SLC7A2: variants seen among roughly 807,000 people sequenced by gnomAD.
SLC7A2 encodes the protein cationic amino acid transporter 2.
Under a neutral mutation model 58.9 loss-of-function variants are expected in SLC7A2, and 48 were observed. That is an observed-to-expected ratio of 0.82 (90% confidence interval 0.65 to 1.04). SLC7A2 has a LOEUF of 1.04. Among genes scored for constraint, SLC7A2 ranks in the 50% least tolerant of loss-of-function variants. SLC7A2 has a pLI of 0.00. For missense variants in SLC7A2, 1,029 were observed against 818.8 expected, an observed-to-expected ratio of 1.26 and a Z score of -3.13; for synonymous variants, 363 against 314.5, an observed-to-expected ratio of 1.15 and a Z score of -1.63.
intron 2 of SLC7A2, among the ~76,000 whole-genome samples, chr8:17,514,551 T>C (rs976288715): frequency 1.3e-5 from 2 of 152,190 alleles, no homozygotes; most frequent in African/African-American, 4.8e-5. Context: ...CTAGAATAAC[T>C]TAAAAATGTA....
rs909914567 is a variant in SLC7A2 at position 17,567,704 on chromosome 8, T to C, written c.*2558T>C. 3 of 152,452 alleles carry C rather than the reference T, an allele frequency of 2.0e-5. No individual in the cohort carries two copies. The highest frequency in any genetic ancestry group is 4.4e-5 in the Non-Finnish European group (3 of 68,054). The allele number at this position is 152,452 out of a possible 1,614,324, so 9.4% of individuals were successfully genotyped here. On this transcript the variant is annotated 3_prime_UTR_variant, in exon 13 of 13. Transcript: ENST00000494857. ...AATTGATGTTTGATGTTGATAGATA[T>C]GCTTATACCTAATTTTTAGTTTTTA... is the stretch of plus-strand genomic sequence containing the variant.
At chr8:17,524,860 G>A (rs900211052) in intron 2 of SLC7A2, among the ~76,000 whole-genome samples, 1 of 151,870 alleles carries the variant, frequency 6.6e-6, no homozygotes, top group East Asian at 1.9e-4. Context: ...GCAATCAGGA[G>A]CAAGTTCTTA....
upstream of SLC7A2, among the ~76,000 whole-genome samples, chr8:17,494,735 G>A (rs1364380559): frequency 6.6e-6 from 1 of 152,164 alleles, no homozygotes; most frequent in Non-Finnish European, 1.5e-5. Flanking sequence ...AATAACCAAA[G>A]TTATGAGGCA....
chr8:17,529,532 G>T lies in SLC7A2; in HGVS notation c.-22-13786G>T, dbSNP rs867310645. Among the ~76,000 whole-genome samples the T allele has an allele frequency of 1.8e-3, 257 of 139,466 alleles. 1 individual carries two copies. Among genetic ancestry groups the T allele is most frequent in the Admixed American group, 5.0e-3 (70 of 13,934 alleles). The allele number at this position is 139,466 out of a possible 152,430, so 91.5% of individuals were successfully genotyped here. ...TCTTTGTTTTTGGTTTTGTTTTTTT[G>T]TTTTTTTTTTTTTTGAGAGATAGAG... is the stretch of plus-strand genomic sequence containing the variant. On this transcript the variant is annotated intron_variant, in intron 2 of 12. Coordinates refer to ENST00000494857, the MANE Select transcript of SLC7A2 (RefSeq NM_001370338.1).
chr8:17,565,118 T>C lies in SLC7A2; in HGVS notation c.1949T>C (p.Ile650Thr), dbSNP rs1235382915. ...HHPRNLSSPF[I>T]FHEKTSEF ...CCAAGAAATCTCAGTTCACCTTTCA[T>C]ATTCCATGAAAAGACAAGTGAATTC... The change falls in exon 13 of 13, where the codon ATA becomes ACA. Residue 650 changes from isoleucine (I) to threonine (T), a missense_variant. Physicochemically the swap from Ile to Thr is moderately conservative, Grantham distance 89. Transcript: ENST00000494857. The C allele has an allele frequency of 8.1e-6, 13 of 1,613,188 alleles. No homozygotes were observed. The highest frequency in any genetic ancestry group is 1.3e-5 in the African/African-American group (1 of 74,874).
chr8:17,550,161 G>A (rs1802377491), intron 5 of SLC7A2, 140 bp from the exon 6 acceptor site: 3 of 757,640 alleles, frequency 4.0e-6, no homozygotes, highest in African/African-American at 3.5e-5. Context: ...GGGTGAGAGA[G>A]TAAAGTTTTA....
chr8:17,567,276 T>A lies in SLC7A2; in HGVS notation c.*2130T>A, dbSNP rs1803308562. The A allele has an allele frequency of 6.6e-6, 1 of 152,428 alleles. No homozygotes were observed. Among genetic ancestry groups the A allele is most frequent in the Non-Finnish European group, 1.5e-5 (1 of 68,040 alleles). The allele number at this position is 152,428 out of a possible 1,614,324, so 9.4% of individuals were successfully genotyped here. On this transcript the variant is annotated 3_prime_UTR_variant, in exon 13 of 13. Coordinates refer to ENST00000494857, the MANE Select transcript of SLC7A2 (RefSeq NM_001370338.1). ...TCTATACCCAATCAAGAATAGACCCTTCACACAGGAAATGTGAACAATTGT... is the reference window on the plus strand; with the variant it reads ...TCTATACCCAATCAAGAATAGACCCATCACACAGGAAATGTGAACAATTGT...
chr8:17,527,288 G>A (rs994089955), intron 2 of SLC7A2, among the ~76,000 whole-genome samples: 2 of 152,028 alleles, frequency 1.3e-5, no homozygotes, highest in Admixed American at 1.3e-4. Flanking sequence ...AGACATGAGG[G>A]TTTTAGCCGA....
chr8:17,534,694 GAA>G (rs34390459), intron 2 of SLC7A2, among the ~76,000 whole-genome samples: 32,856 of 128,408 alleles, frequency 0.26, 4,132 homozygotes, highest in Non-Finnish European at 0.32. Flanking sequence ...GTTTCAAATG[GAA>G]AAAAAAAAAA....
chr8:17,551,856 G>C lies in SLC7A2; in HGVS notation c.925G>C (p.Ala309Pro). 1 of 1,613,888 alleles carries C rather than the reference G, an allele frequency of 6.2e-7. No homozygotes were observed. Among genetic ancestry groups the C allele is most frequent in the Non-Finnish European group, 8.5e-7 (1 of 1,179,978 alleles). The change falls in exon 7 of 13, where the codon GCT (alanine) becomes CCT (proline). Residue 309 changes from alanine to proline, a missense_variant. By Grantham distance (27) the Ala-to-Pro change is conservative (BLOSUM62 -1). Transcript: ENST00000494857. ...TATGGCCTATTTTGGGGTCTCTGCA[G>C]CTTTAACACTTATGATGCCGTACTA... is the stretch of plus-strand genomic sequence containing the variant. Reference protein sequence around the residue: ...CFMAYFGVSAALTLMMPYYLL... With the variant: ...CFMAYFGVSAPLTLMMPYYLL...
chr8:17,566,193 T>A lies in SLC7A2; in HGVS notation c.*1047T>A, dbSNP rs1317097183. On this transcript the variant is annotated 3_prime_UTR_variant, in exon 13 of 13. Transcript: ENST00000494857. ...TTTTCCATTACTTACTTAATCACAG[T>A]TTAGTTTTTTTCTTAACCTCGTCAG... 1 of 152,178 alleles carries A rather than the reference T, an allele frequency of 6.6e-6. No individual in the cohort carries two copies. The highest frequency in any genetic ancestry group is 1.5e-5 in the Non-Finnish European group (1 of 68,026). 9.4% of individuals were successfully genotyped at this position (152,178 alleles called of 1,614,324 possible).
At chr8:17,520,141 A>C (rs185601980) in intron 2 of SLC7A2, among the ~76,000 whole-genome samples, 123 of 152,360 alleles carry the variant, frequency 8.1e-4, no homozygotes, top group Non-Finnish European at 1.2e-3. Context: ...AAAGCATCTT[A>C]AATCTTGAAA....
At chr8:17,514,105 C>A (rs1800708532) in intron 2 of SLC7A2, among the ~76,000 whole-genome samples, 1 of 152,090 alleles carries the variant, frequency 6.6e-6, no homozygotes, top group South Asian at 2.1e-4. Flanking sequence ...AGTAAAAACA[C>A]CTCGGCACAT....
intron 2 of SLC7A2, among the ~76,000 whole-genome samples, chr8:17,508,488 C>A (rs1032412038): frequency 6.6e-6 from 1 of 152,256 alleles, no homozygotes; most frequent in South Asian, 2.1e-4. Context: ...CTTTGGGAGG[C>A]CAAGGCAGGC....
intron 2 of SLC7A2, among the ~76,000 whole-genome samples, chr8:17,527,030 A>T (rs1801248415): frequency 6.6e-6 from 1 of 151,922 alleles, no homozygotes; most frequent in Non-Finnish European, 1.5e-5. Context: ...ATGCCATGGT[A>T]CTCTGCCCTT....
chr8:17,511,914 A>G (rs1480665503), intron 2 of SLC7A2, among the ~76,000 whole-genome samples: 1 of 152,180 alleles, frequency 6.6e-6, no homozygotes, highest in African/African-American at 2.4e-5. Context: ...CTATGGAACT[A>G]TGTTGTGATT....
At chr8:17,507,288 A>G (rs545376327) in intron 2 of SLC7A2, among the ~76,000 whole-genome samples, 8 of 152,248 alleles carry the variant, frequency 5.3e-5, no homozygotes, top group African/African-American at 1.9e-4. Flanking sequence ...TTACAACTTA[A>G]CATTTTTAGA....
At chr8:17,523,559 C>T (rs1438462162) in intron 2 of SLC7A2, among the ~76,000 whole-genome samples, 1 of 152,136 alleles carries the variant, frequency 6.6e-6, no homozygotes, top group African/African-American at 2.4e-5. Flanking sequence ...TGGCTAGCCA[C>T]ATGTAGAAGA....
At chr8:17,561,555 C>G (rs1231070156) in intron 10 of SLC7A2, among the ~76,000 whole-genome samples, 1 of 152,116 alleles carries the variant, frequency 6.6e-6, no homozygotes, top group Non-Finnish European at 1.5e-5. Flanking sequence ...ATATCACAGT[C>G]CATGTTTACG....
Sources: allele counts gnomAD v4.1 joint callset (sites outside exome capture counted in the v4.1 genomes callset), GRCh38; gene constraint gnomAD v4.1.1; transcripts MANE v1.5; gene names NCBI Gene and HGNC (gene_info 2026-07-23, HGNC 2026-07-21).